SS18L2: variants seen among roughly 807,000 people sequenced by gnomAD.
SS18L2 encodes the protein SS18 like 2.
Under a neutral mutation model 10.3 loss-of-function variants are expected in SS18L2, and 8 were observed. That is an observed-to-expected ratio of 0.78 (90% CI 0.46 to 1.41). SS18L2 has a LOEUF of 1.41. Among genes scored for constraint, SS18L2 ranks in the 40% most tolerant of loss-of-function variants. The pLI, the probability that SS18L2 is intolerant of heterozygous loss-of-function variation, is 0.00. For missense variants in SS18L2, 100 were observed against 96.2 expected, an observed-to-expected ratio of 1.04 and a Z score of -0.17; for synonymous variants, 41 against 34.6, an observed-to-expected ratio of 1.19 and a Z score of -0.65.
Position 42,590,925 on chromosome 3 carries a change from C to T in SS18L2, c.28C>T (p.Leu10=). 3 of 1,372,922 alleles carry T rather than the reference C, an allele frequency of 2.2e-6. No homozygotes were observed. Among genetic ancestry groups the T allele is most frequent in the Non-Finnish European group, 2.9e-6 (3 of 1,037,624 alleles). 85.0% of individuals were successfully genotyped at this position (1,372,922 alleles called of 1,614,324 possible). MSVAFVPDW[L]RGKAEVNQET... ...GTCGGTGGCCTTCGTACCGGACTGG[C>T]TGAGGGGCAAGGCGGAAGTCAATCA... Residue 10 remains leucine (L), a synonymous_variant, in exon 1 of 3, where the codon CTG becomes TTG. Coordinates refer to ENST00000011691, the MANE Select transcript of SS18L2 (RefSeq NM_001370300.1).
intron 1 of SS18L2, 172 bp downstream of exon 1, chr3:42,591,138 G>C (rs1438524056): frequency 1.4e-6 from 1 of 701,436 alleles, no homozygotes. Context: ...GCCGGGGCAG[G>C]ACCCCGGCAT....
chr3:42,591,500 A>C, intron 1 of SS18L2, 25 bp from the exon 2 acceptor site: 1 of 1,591,178 alleles, frequency 6.3e-7, no homozygotes, highest in Non-Finnish European at 8.6e-7. Context: ...GCCTGCACTG[A>C]CCCTTTCTTT....
chr3:42,590,784 G>A (rs878883502), upstream of SS18L2: 32 of 1,080,918 alleles, frequency 3.0e-5, 1 homozygote, highest in South Asian at 4.0e-4. Context: ...CACAAATGAC[G>A]TCCCTTCTGT....
upstream of SS18L2, among the ~76,000 whole-genome samples, chr3:42,589,396 A>C (rs1704735307): frequency 6.6e-6 from 1 of 152,220 alleles, no homozygotes; most frequent in South Asian, 2.1e-4. Flanking sequence ...TCAGGGGAAT[A>C]AAGCTCTAGG....
At chr3:42,590,593 A>G (rs1314725152), upstream of SS18L2, among the ~76,000 whole-genome samples, 1 of 152,130 alleles carries the variant, frequency 6.6e-6, no homozygotes, top group Admixed American at 6.5e-5. Flanking sequence ...CTCAAAAAAA[A>G]AAAAAGCATG....
At position 42,594,693 on chromosome 3, in the gene SS18L2, C is replaced by T. The variant is rs1704976109; in HGVS notation, c.*184C>T. On this transcript the variant is annotated 3_prime_UTR_variant, in exon 3 of 3. Transcript: ENST00000011691. ...AAAGCTACTAACTTAGCTGTATTCT[C>T]ATGTAAATATTTTTTAAATAATTAA... The T allele has an allele frequency of 2.1e-6, 1 of 476,210 alleles. No individual in the cohort carries two copies. The highest frequency in any genetic ancestry group is 2.0e-5 in the African/African-American group (1 of 50,674). The allele number at this position is 476,210 out of a possible 1,614,324, so 29.5% of individuals were successfully genotyped here. A position where few individuals can be genotyped will look rare whatever the true frequency, so the allele number is the denominator to read the frequency against.
chr3:42,585,357 C>G (rs1455291827), intron 1 of SS18L2, among the ~76,000 whole-genome samples: 1 of 152,194 alleles, frequency 6.6e-6, no homozygotes, highest in Non-Finnish European at 1.5e-5. Flanking sequence ...ACAGTCAACT[C>G]CAGAGTCTTT....
upstream of SS18L2, among the ~76,000 whole-genome samples, chr3:42,587,831 G>A (rs950013501): frequency 1.4e-4 from 21 of 152,152 alleles, no homozygotes; most frequent in Non-Finnish European, 1.9e-4. Flanking sequence ...TAGCATTTTG[G>A]GAGGCTGAGG....
intron 1 of SS18L2, among the ~76,000 whole-genome samples, chr3:42,584,792 A>G: frequency 6.6e-6 from 1 of 152,188 alleles, no homozygotes; most frequent in East Asian, 1.9e-4. Context: ...CAGGAGATTC[A>G]GGGTTGGTAA....
At position 42,595,912 on chromosome 3, in the gene SS18L2, T is replaced by TA. The variant is rs1333754280; in HGVS notation, c.*1403_*1404insA. On this transcript the variant is annotated 3_prime_UTR_variant, in exon 3 of 3. Transcript: ENST00000011691. The stretch of plus-strand genomic sequence containing the variant: ...CATCTGCCTCCTGAGGTTGTGAGAC[T>TA]GAGATAACGTGGTTGAGAACTGGGC... Among the ~76,000 whole-genome samples the TA allele has an allele frequency of 6.6e-6, 1 of 151,620 alleles. No homozygotes were observed. Among genetic ancestry groups the TA allele is most frequent in the Non-Finnish European group, 1.5e-5 (1 of 67,524 alleles).
chr3:42,585,925 A>G (rs1251807545), upstream of SS18L2, among the ~76,000 whole-genome samples: 1 of 151,260 alleles, frequency 6.6e-6, no homozygotes, highest in Non-Finnish European at 1.5e-5. Context: ...TGCTCCCCAG[A>G]TCTCCCACTC....
chr3:42,594,400 T>C (rs1364515238), intron 2 of SS18L2, 22 bp from the exon 3 acceptor site: 3 of 1,596,586 alleles, frequency 1.9e-6, no homozygotes. Context: ...CCTCTGATTT[T>C]TGCCTGTTTT....
At chr3:42,583,167 A>C (rs768318867) in intron 1 of SS18L2, among the ~76,000 whole-genome samples, 15 of 152,252 alleles carry the variant, frequency 9.9e-5, no homozygotes, top group Non-Finnish European at 2.9e-5. Flanking sequence ...ATTGCATTTT[A>C]TAAAACTCAC....
chr3:42,591,696 T>C, intron 2 of SS18L2, 95 bp downstream of exon 2: 1 of 897,036 alleles, frequency 1.1e-6, no homozygotes, highest in Non-Finnish European at 1.8e-6. Flanking sequence ...GGGTGATTGA[T>C]CGCAGTTAAG....
At chr3:42,588,004 T>C (rs1195150947), upstream of SS18L2, among the ~76,000 whole-genome samples, 4 of 146,286 alleles carry the variant, frequency 2.7e-5, no homozygotes, top group Non-Finnish European at 1.5e-5. Flanking sequence ...ACCCCGGAGG[T>C]GGAGGTTGCA....
Position 42,594,607 on chromosome 3 carries a change from C to A in SS18L2, c.*98C>A. The A allele has an allele frequency of 9.7e-7, 1 of 1,034,860 alleles. No individual in the cohort carries two copies. The highest frequency in any genetic ancestry group is 1.5e-6 in the Non-Finnish European group (1 of 682,304). 64.1% of individuals were successfully genotyped at this position (1,034,860 alleles called of 1,614,324 possible). A position where few individuals can be genotyped will look rare whatever the true frequency, so the allele number is the denominator to read the frequency against. ...AAAATGGAGACAGGGTCTTTACCAA[C>A]TCAACTGGTTAAAACATGAATGAAA... On this transcript the variant is annotated 3_prime_UTR_variant, in exon 3 of 3. Transcript: ENST00000011691.
chr3:42,583,841 A>T (rs2125734149), intron 1 of SS18L2, among the ~76,000 whole-genome samples: 1 of 152,350 alleles, frequency 6.6e-6, no homozygotes, highest in South Asian at 2.1e-4. Context: ...CTAGGAGATT[A>T]GGTAGTAGAG....
chr3:42,591,551 C>A lies in SS18L2; in HGVS notation c.96C>A (p.Ile32=), dbSNP rs1234424586. 1.2e-6 allele frequency: 2 copies of A among 1,613,806 alleles called. No individual in the cohort carries two copies. Among genetic ancestry groups the A allele is most frequent in the African/African-American group, 1.3e-5 (1 of 74,906 alleles). ...QRLLEENDQL[I]RCIVEYQNKG... Reference sequence around the variant, plus strand: ...TCCTTGAGGAGAATGACCAGCTGATCCGCTGTATTGTGGAGTATCAGAACA... The same window carrying A: ...TCCTTGAGGAGAATGACCAGCTGATACGCTGTATTGTGGAGTATCAGAACA... The change falls in exon 2 of 3, where the codon ATC becomes ATA. Residue 32 remains isoleucine (I), a synonymous_variant. Transcript: ENST00000011691.
chr3:42,594,050 T>G (rs1017753083), intron 2 of SS18L2, among the ~76,000 whole-genome samples: 2 of 145,968 alleles, frequency 1.4e-5, no homozygotes, highest in Middle Eastern at 3.4e-3. Flanking sequence ...CAGCTCACCT[T>G]TACCTGAATG....
Sources: allele counts gnomAD v4.1 joint callset (sites outside exome capture counted in the v4.1 genomes callset), GRCh38; gene constraint gnomAD v4.1.1; transcripts MANE v1.5; gene names NCBI Gene and HGNC (gene_info 2026-07-23, HGNC 2026-07-21).